Variants in CPED1 observed in about 807,000 individuals in gnomAD.
The protein encoded by CPED1 is cadherin-like and PC-esterase domain-containing protein 1.
In CPED1, 114 loss-of-function variants were observed where a neutral mutation model predicts 128.2. The observed-to-expected ratio is 0.89, with a 90% CI of 0.76 to 1.04. The LOEUF is 1.04. Ranked by LOEUF, CPED1 falls within the 50% of genes least tolerant of loss-of-function variation. CPED1 has a pLI of 0.00. For missense variants in CPED1, 1,211 were observed against 1,207.1 expected, an observed-to-expected ratio of 1.00 and a Z score of -0.05; for synonymous variants, 462 against 426.7, an observed-to-expected ratio of 1.08 and a Z score of -1.02.
At chr7:121,089,177 A>G (rs1794519519) in intron 5 of CPED1, among the ~76,000 whole-genome samples, 5 of 152,296 alleles carry the variant, frequency 3.3e-5, no homozygotes, top group East Asian at 1.9e-4. Flanking sequence ...CTTTTCTGAC[A>G]TATTTCCATG....
At chr7:121,070,331 TTC>T (rs1793953935) in intron 5 of CPED1, among the ~76,000 whole-genome samples, 2 of 151,988 alleles carry the variant, frequency 1.3e-5, no homozygotes, top group African/African-American at 4.8e-5. Context: ...AGTTTGCTTG[TTC>T]TCTGTGTTCT....
intron 18 of CPED1, among the ~76,000 whole-genome samples, chr7:121,245,298 GATCA>G: frequency 6.6e-6 from 1 of 152,072 alleles, no homozygotes; most frequent in East Asian, 1.9e-4. Context: ...TGTCTCTAAA[GATCA>G]ATCAGTAGTG....
chr7:121,048,674 G>T (rs1793275461), intron 4 of CPED1, among the ~76,000 whole-genome samples: 1 of 152,160 alleles, frequency 6.6e-6, no homozygotes, highest in South Asian at 2.1e-4. Flanking sequence ...AAGTAGCTGG[G>T]ATTACACATG....
intron 7 of CPED1, among the ~76,000 whole-genome samples, chr7:121,117,054 C>T (rs1036510238): frequency 7.4e-5 from 10 of 135,410 alleles, no homozygotes; most frequent in Non-Finnish European, 9.2e-5. Context: ...CATATATACA[C>T]ACATTTTATA....
intron 16 of CPED1, among the ~76,000 whole-genome samples, chr7:121,185,662 G>A (rs1217869401): frequency 6.6e-6 from 1 of 152,094 alleles, no homozygotes; most frequent in Non-Finnish European, 1.5e-5. Context: ...TCTCTACAAA[G>A]CACTATAATT....
chr7:121,187,226 G>A (rs1401557937), intron 16 of CPED1, among the ~76,000 whole-genome samples: 1 of 152,206 alleles, frequency 6.6e-6, no homozygotes, highest in Non-Finnish European at 1.5e-5. Context: ...AATGGACAAT[G>A]GTAAGGAGCC....
At chr7:121,150,386 C>CT (rs1279304333) in intron 16 of CPED1, among the ~76,000 whole-genome samples, 1 of 151,862 alleles carries the variant, frequency 6.6e-6, no homozygotes, top group Admixed American at 6.6e-5. Context: ...TGATTTCATT[C>CT]TTTTTTTATG....
intron 3 of CPED1, among the ~76,000 whole-genome samples, chr7:121,032,829 A>C (rs1792772090): frequency 6.6e-6 from 1 of 152,182 alleles, no homozygotes; most frequent in African/African-American, 2.4e-5. Context: ...CATAGATGAC[A>C]GAATTATTAG....
chr7:121,256,677 T>G (rs1244571621), intron 18 of CPED1, among the ~76,000 whole-genome samples: 2 of 152,054 alleles, frequency 1.3e-5, no homozygotes, highest in Non-Finnish European at 2.9e-5. Flanking sequence ...AGCTATTATT[T>G]GACCCAGCAA....
chr7:121,223,875 G>T (rs1224275309), intron 16 of CPED1, among the ~76,000 whole-genome samples: 1 of 151,044 alleles, frequency 6.6e-6, no homozygotes, highest in East Asian at 1.9e-4. Context: ...CTTGCTAGCA[G>T]TCTATCAATT....
intron 5 of CPED1, among the ~76,000 whole-genome samples, chr7:121,078,823 G>A (rs1794207312): frequency 6.6e-6 from 1 of 152,184 alleles, no homozygotes; most frequent in South Asian, 2.1e-4. Flanking sequence ...GTATTAGTTT[G>A]CTAGGGCTGC....
rs967509425 is a variant in CPED1, at chr7:121,058,376, G to C, written c.541-5862G>C. Among the ~76,000 whole-genome samples the C allele has an allele frequency of 5.9e-5, 9 of 152,086 alleles. 1 individual carries two copies. The highest frequency in any genetic ancestry group is 2.0e-4 in the Admixed American group (3 of 15,284). The stretch of plus-strand genomic sequence containing the variant: ...TAATAATGTAGGTGTGAGATGAGAG[G>C]GACATGGGCTAGCAGAATAGCAATG... On this transcript the variant is annotated intron_variant, in intron 4 of 22. Coordinates refer to ENST00000310396, the MANE Select transcript of CPED1 (RefSeq NM_024913.5).
At chr7:121,019,345 G>T (rs1423893576) in intron 3 of CPED1, among the ~76,000 whole-genome samples, 1 of 151,914 alleles carries the variant, frequency 6.6e-6, no homozygotes, top group African/African-American at 2.4e-5. Context: ...TATGTGGTGG[G>T]GATTGAATCA....
chr7:121,014,565 T>TA (rs1178673534), intron 2 of CPED1, among the ~76,000 whole-genome samples: 29 of 137,778 alleles, frequency 2.1e-4, no homozygotes, highest in South Asian at 8.9e-4. Context: ...AAAAAAATAA[T>TA]AATAATAATA....
At position 121,001,327 on chromosome 7, in the gene CPED1, T is replaced by C. The variant is rs149461012; in HGVS notation, c.249+11457T>C. On this transcript the variant is annotated intron_variant, in intron 2 of 22. Transcript: ENST00000310396. ...ATTAAACATAAATTATTCATAAATT[T>C]TGATATTTTAGTTCTTTTCATAGCA... 3.3e-5 allele frequency among the ~76,000 whole-genome samples: 5 copies of C among 152,260 alleles called. No individual in the cohort carries two copies. In the East Asian group the frequency reaches 9.7e-4, roughly 29 times the overall value.
chr7:121,119,411 C>T (rs939258320), intron 7 of CPED1, among the ~76,000 whole-genome samples: 8 of 150,820 alleles, frequency 5.3e-5, no homozygotes, highest in East Asian at 4.0e-4. Context: ...GTGATCCACC[C>T]GCTTCGGCCT....
intron 16 of CPED1, among the ~76,000 whole-genome samples, chr7:121,208,759 A>G (rs1445997294): frequency 6.6e-6 from 1 of 151,804 alleles, no homozygotes; most frequent in Non-Finnish European, 1.5e-5. Context: ...TCACAGGCGA[A>G]CTCCACAGTG....
intron 5 of CPED1, among the ~76,000 whole-genome samples, chr7:121,080,994 A>C (rs1478464154): frequency 1.3e-5 from 2 of 152,194 alleles, no homozygotes; most frequent in Non-Finnish European, 2.9e-5. Context: ...TAGAAAATAA[A>C]AGCCCACCAA....
chr7:120,999,298 A>G (rs1791761229), intron 2 of CPED1, among the ~76,000 whole-genome samples: 1 of 152,136 alleles, frequency 6.6e-6, no homozygotes, highest in African/African-American at 2.4e-5. Flanking sequence ...ATTAAAGTTG[A>G]TTAATTATCT....
Sources: allele counts gnomAD v4.1 joint callset (sites outside exome capture counted in the v4.1 genomes callset), GRCh38; gene constraint gnomAD v4.1.1; transcripts MANE v1.5; gene names NCBI Gene and HGNC (gene_info 2026-07-23, HGNC 2026-07-21).